Variants in ZYG11A observed in about 807,000 individuals in gnomAD.
The protein encoded by ZYG11A is protein zyg-11 homolog A.
In ZYG11A, 62 loss-of-function variants were observed where a neutral mutation model predicts 77.2. That is an observed-to-expected ratio of 0.80 (90% confidence interval 0.65 to 0.99). The LOEUF (loss-of-function observed/expected upper bound fraction) is 0.99, where lower values mean the gene tolerates loss of function less well. ZYG11A is among the 50% of genes least tolerant of loss of function. ZYG11A has a pLI of 0.00. For synonymous variants in ZYG11A, 315 were observed against 324.6 expected (o/e 0.97, Z 0.32); for missense variants, 828 against 896.8 (o/e 0.92, Z 0.98).
chr1:52,894,488 C>T lies in ZYG11A; in HGVS notation c.*1531C>T, dbSNP rs924836489. On this transcript the variant is annotated 3_prime_UTR_variant, in exon 14 of 14. Transcript: ENST00000371528. ...AGGAATAGTGTGAATTCCTTCCTTGCCTTATTGTTGACTGTTAATGAACAT... is the reference window on the plus strand; with the variant it reads ...AGGAATAGTGTGAATTCCTTCCTTGTCTTATTGTTGACTGTTAATGAACAT... 1 of 152,130 alleles carries T rather than the reference C, an allele frequency of 6.6e-6. No homozygotes were observed. Among genetic ancestry groups the T allele is most frequent in the Non-Finnish European group, 1.5e-5 (1 of 68,032 alleles). 9.4% of individuals were successfully genotyped at this position (152,130 alleles called of 1,614,324 possible). A position where few individuals can be genotyped will look rare whatever the true frequency, so the allele number is the denominator to read the frequency against.
At chr1:52,867,902 C>A in intron 8 of ZYG11A, 125 bp downstream of exon 8, 1 of 705,828 alleles carries the variant, frequency 1.4e-6, no homozygotes, top group Non-Finnish European at 2.3e-6. Context: ...GACTTTCTCC[C>A]CAGAAGAAAC....
chr1:52,862,719 T>C (rs1265904067), intron 4 of ZYG11A, among the ~76,000 whole-genome samples: 2 of 152,134 alleles, frequency 1.3e-5, no homozygotes, highest in African/African-American at 4.8e-5. Context: ...AATTAAAAAT[T>C]CTCGACCTTT....
chr1:52,850,243 T>G (rs1019553118), intron 1 of ZYG11A, among the ~76,000 whole-genome samples: 3 of 151,576 alleles, frequency 2.0e-5, no homozygotes, highest in African/African-American at 7.3e-5. Flanking sequence ...CTCCGCCTCC[T>G]GGGTTCAAGC....
chr1:52,891,987 C>T (rs568464931), intron 13 of ZYG11A, among the ~76,000 whole-genome samples: 1 of 151,608 alleles, frequency 6.6e-6, no homozygotes, highest in South Asian at 2.1e-4. Context: ...GCAAGCTCAC[C>T]TCCCAGGTTC....
chr1:52,867,892 G>A, intron 8 of ZYG11A, 115 bp downstream of exon 8: 2 of 749,610 alleles, frequency 2.7e-6, no homozygotes, highest in South Asian at 1.8e-5. Context: ...AAATCTGTAA[G>A]ACTTTCTCCC....
intron 11 of ZYG11A, among the ~76,000 whole-genome samples, chr1:52,884,464 C>G (rs1169333268): frequency 4.6e-5 from 7 of 150,902 alleles, no homozygotes; most frequent in Admixed American, 6.6e-5. Flanking sequence ...CCACTGCACT[C>G]CAGCCTGGGC....
At chr1:52,875,425 A>G (rs560374026) in intron 8 of ZYG11A, among the ~76,000 whole-genome samples, 1 of 152,354 alleles carries the variant, frequency 6.6e-6, no homozygotes, top group South Asian at 2.1e-4. Flanking sequence ...AGAGTTCTAA[A>G]GAGGGAGAAG....
At chr1:52,886,766 C>T (rs1646460059) in intron 12 of ZYG11A, among the ~76,000 whole-genome samples, 190 bp from the exon 13 acceptor site, 1 of 132,736 alleles carries the variant, frequency 7.5e-6, no homozygotes. Flanking sequence ...AGGCTGGTCC[C>T]GAATTCCTAA....
At chr1:52,845,086 G>C (rs1037348306) in intron 1 of ZYG11A, among the ~76,000 whole-genome samples, 1 of 151,904 alleles carries the variant, frequency 6.6e-6, no homozygotes, top group South Asian at 2.1e-4. Context: ...TAGTAAGTTC[G>C]TATGCATTTA....
In ZYG11A at chr1:52,877,967, T is replaced by C. The variant is rs752341561; in HGVS notation, c.1747T>C (p.Leu583=). ...AATACAAAGCAAAGTACTTGGTCTT[T>C]TGGTAAGGTGAATTGTTTTGAATTA... is the stretch of plus-strand genomic sequence containing the variant. ...SAIQSKVLGL[L]NNIAEVRELS... The change falls in exon 10 of 14, where the codon TTG becomes CTG. Residue 583 remains leucine, a splice_region_variant and synonymous_variant. Coordinates refer to ENST00000371528, the MANE Select transcript of ZYG11A (RefSeq NM_001004339.3). 5.6e-5 allele frequency: 87 copies of C among 1,551,360 alleles called. No homozygotes were observed. The highest frequency in any genetic ancestry group is 6.3e-5 in the Non-Finnish European group (72 of 1,146,952).
chr1:52,864,870 C>T (rs541230090), intron 5 of ZYG11A, among the ~76,000 whole-genome samples: 1 of 149,158 alleles, frequency 6.7e-6, no homozygotes, highest in African/African-American at 2.5e-5. Context: ...CCAGGATGGT[C>T]TCGATCTCCT....
chr1:52,890,634 T>A (rs896178739), intron 13 of ZYG11A, among the ~76,000 whole-genome samples: 12 of 149,208 alleles, frequency 8.0e-5, no homozygotes, highest in African/African-American at 3.0e-4. Flanking sequence ...TGAAACAGGG[T>A]CTCACTCTGT....
intron 8 of ZYG11A, among the ~76,000 whole-genome samples, chr1:52,869,279 G>A (rs1236927250): frequency 1.4e-5 from 2 of 141,950 alleles, no homozygotes; most frequent in Non-Finnish European, 3.0e-5. Flanking sequence ...TCATTCTTGG[G>A]TGTTTCTCGC....
At chr1:52,876,068 G>C (rs536744246) in intron 8 of ZYG11A, among the ~76,000 whole-genome samples, 5 of 152,182 alleles carry the variant, frequency 3.3e-5, no homozygotes, top group Admixed American at 2.6e-4. Flanking sequence ...TAGGAAGAGT[G>C]GGTGTATTTC....
chr1:52,879,459 T>C (rs1352180562), intron 10 of ZYG11A, among the ~76,000 whole-genome samples: 2 of 152,164 alleles, frequency 1.3e-5, no homozygotes, highest in Non-Finnish European at 2.9e-5. Context: ...ACAAAGTAGA[T>C]GTGAAAGGCT....
At chr1:52,854,664 C>T (rs1359766589) in intron 2 of ZYG11A, 34 bp downstream of exon 2, 1 of 1,451,640 alleles carries the variant, frequency 6.9e-7, no homozygotes, top group Admixed American at 2.5e-5. Flanking sequence ...TCAGCTCTTG[C>T]AGTACTTTAC....
At position 52,894,843 on chromosome 1, in the gene ZYG11A, T is replaced by TATC. The variant is rs1456521583; in HGVS notation, c.*1888_*1890dup. The TATC allele has an allele frequency of 6.6e-6, 1 of 152,264 alleles. No individual in the cohort carries two copies. The highest frequency in any genetic ancestry group is 6.5e-5 in the Admixed American group (1 of 15,282). The allele number at this position is 152,264 out of a possible 1,614,324, so 9.4% of individuals were successfully genotyped here. On this transcript the variant is annotated 3_prime_UTR_variant, in exon 14 of 14. Coordinates refer to ENST00000371528, the MANE Select transcript of ZYG11A (RefSeq NM_001004339.3). ...GGGTTCTAGTACCTCAGAGCATTGT[T>TATC]ATCAGATGCTAGCTTATTCTAATGT...
chr1:52,881,864 C>T, intron 11 of ZYG11A, 199 bp downstream of exon 11: 1 of 445,218 alleles, frequency 2.2e-6, no homozygotes, highest in Non-Finnish European at 3.9e-6. Context: ...TCTTTCTCAT[C>T]AGCTTTTTTT....
chr1:52,879,478 A>G (rs964355422), intron 10 of ZYG11A, among the ~76,000 whole-genome samples: 2 of 152,212 alleles, frequency 1.3e-5, no homozygotes, highest in African/African-American at 2.4e-5. Context: ...CTTCACAGAG[A>G]GGAGTAAATG....
Sources: allele counts gnomAD v4.1 joint callset (sites outside exome capture counted in the v4.1 genomes callset), GRCh38; gene constraint gnomAD v4.1.1; transcripts MANE v1.5; gene names NCBI Gene and HGNC (gene_info 2026-07-23, HGNC 2026-07-21).